ALG12: variants seen among roughly 807,000 people sequenced by gnomAD.
The protein encoded by ALG12 is ALG12 alpha-1,6-mannosyltransferase.
In ALG12, 36 loss-of-function variants were observed where a neutral mutation model predicts 46.0. The ratio of observed to expected loss-of-function variants is 0.78; its 90% CI spans 0.60 to 1.03. The LOEUF (loss-of-function observed/expected upper bound fraction) is 1.03. Ranked by LOEUF, ALG12 falls within the 50% of genes least tolerant of loss-of-function variation. ALG12 has a pLI of 0.00. For synonymous variants in ALG12, 326 were observed against 291.6 expected (o/e 1.12, Z -1.20); for missense variants, 599 against 633.5 (o/e 0.95, Z 0.58).
chr22:49,898,397 C>CTT (rs111434700), downstream of ALG12, among the ~76,000 whole-genome samples: 10 of 145,820 alleles, frequency 6.9e-5, no homozygotes, highest in African/African-American at 2.5e-4. Context: ...TGATTTTTTT[C>CTT]TTTTTTTTTT....
At position 49,910,342 on chromosome 22, in the gene ALG12, C is replaced by A. The variant is rs7510834; in HGVS notation, c.469+92G>T. The A allele has an allele frequency of 2.9e-5, 44 of 1,498,698 alleles. 1 individual carries two copies. The highest frequency in any genetic ancestry group is 3.8e-5 in the Non-Finnish European group (42 of 1,101,440). The allele number at this position is 1,498,698 out of a possible 1,614,324, so 92.8% of individuals were successfully genotyped here. ...GGAACCCAGTGGGGAATGGCCATTA[C>A]GGGGGAGGCACTGCCATCAGCTGCA... On this transcript the variant is annotated intron_variant, in intron 4 of 9. Coordinates refer to ENST00000330817, the MANE Select transcript of ALG12 (RefSeq NM_024105.4).
At chr22:49,913,236 A>G (rs1440411877) in intron 3 of ALG12, 149 bp downstream of exon 3, 1 of 1,272,198 alleles carries the variant, frequency 7.9e-7, no homozygotes, top group Non-Finnish European at 1.1e-6. Context: ...TGACCTGAGC[A>G]CCTGCTCTGA....
chr22:49,884,964 T>C, the ALG12 span: 9 of 1,612,550 alleles, frequency 5.6e-6, no homozygotes, highest in Admixed American at 3.4e-5. Flanking sequence ...AGCAGGCTGA[T>C]GGGCTGAGTC....
At chr22:49,872,459 A>T in the ALG12 span, among the ~76,000 whole-genome samples, 2 of 152,210 alleles carry the variant, frequency 1.3e-5, no homozygotes, top group African/African-American at 4.8e-5. Flanking sequence ...CATGAGGGTT[A>T]GAATTAACTT....
At position 49,904,343 on chromosome 22, in the gene ALG12, G is replaced by A. The variant is rs751587723; in HGVS notation, c.1156C>T (p.Gln386Ter). The stretch of plus-strand genomic sequence containing the variant: ...CAGTGCCCCCAGCACCCACCTGTCT[G>A]GGGGGGCACCAGCTGGTGCAGCCTC... Reference protein sequence around the residue: ...MQRLHQLVPPQTDVLLHIDVA... With the variant: ...MQRLHQLVPP Residue 386 changes from glutamine (Q) to a stop codon, truncating the protein, a stop_gained, in exon 8 of 10, where the codon CAG (glutamine) becomes TAG (stop). Coordinates refer to ENST00000330817, the MANE Select transcript of ALG12 (RefSeq NM_024105.4). LOFTEE classifies it high-confidence loss of function. The A allele has an allele frequency of 1.2e-6, 2 of 1,613,994 alleles. No individual in the cohort carries two copies. The highest frequency in any genetic ancestry group is 1.3e-5 in the African/African-American group (1 of 74,902).
At chr22:49,876,807 T>C in the ALG12 span, among the ~76,000 whole-genome samples, 1 of 152,210 alleles carries the variant, frequency 6.6e-6, no homozygotes, top group Non-Finnish European at 1.5e-5. Flanking sequence ...ATTCTGTTTT[T>C]AGTAGTGGTA....
intron 7 of ALG12, 65 bp downstream of exon 7, chr22:49,907,656 C>T (rs1476020181): frequency 1.3e-6 from 2 of 1,528,046 alleles, no homozygotes; most frequent in East Asian, 2.3e-5. Context: ...ATCCCCCCAA[C>T]AGTAAATCAG....
In ALG12 at chr22:49,905,608, C is replaced by A. The variant is rs921616794; in HGVS notation, c.993-1102G>T. On this transcript the variant is annotated intron_variant, in intron 7 of 9. Coordinates refer to ENST00000330817, the MANE Select transcript of ALG12 (RefSeq NM_024105.4). This position sits in a 1 kb window ranked among gnomAD's most constrained non-coding sequence, Gnocchi z 4.9. ...TCGTCCTGCTTTGGCCACATAAAAG[C>A]GTGCCCGCTTCCCTCTCGCCTTCCG... Among the ~76,000 whole-genome samples, 2 of 152,214 alleles carry A rather than the reference C, an allele frequency of 1.3e-5. No homozygotes were observed. The highest frequency in any genetic ancestry group is 4.8e-5 in the African/African-American group (2 of 41,450).
rs752687068 is a variant in ALG12 at position 49,907,829 on chromosome 22, G to A, written c.884C>T (p.Ala295Val). ...DRRTHAPTVL[A>V]LGFMALYSLL... ...GGAGTAGAGTGCCATGAAGCCCAGTGCCAGCACCGTCGGCGCGTGCGTCCT... is the reference window on the plus strand; with the variant it reads ...GGAGTAGAGTGCCATGAAGCCCAGTACCAGCACCGTCGGCGCGTGCGTCCT... Residue 295 changes from alanine (A) to valine (V), a missense_variant, in exon 7 of 10, where the codon GCA becomes GTA. Ala to Val is a moderately conservative substitution (Grantham distance 64). Transcript: ENST00000330817. 3.7e-6 allele frequency: 6 copies of A among 1,613,962 alleles called. No individual in the cohort carries two copies. Among genetic ancestry groups the A allele is most frequent in the South Asian group, 1.1e-5 (1 of 91,082 alleles).
chr22:49,899,341 G>T (rs916527600), downstream of ALG12, among the ~76,000 whole-genome samples: 3 of 152,010 alleles, frequency 2.0e-5, no homozygotes, highest in African/African-American at 7.3e-5. Context: ...AGCCGGGCAT[G>T]GTGGTGTGCA....
At chr22:49,911,232 C>A (rs1010820307) in intron 3 of ALG12, among the ~76,000 whole-genome samples, 2 of 152,318 alleles carry the variant, frequency 1.3e-5, no homozygotes, top group Non-Finnish European at 1.5e-5. Context: ...CTCTTGCTAC[C>A]TTTCCAGAAG....
rs774608798 is a variant in ALG12, at chr22:49,900,827, A to G, written c.*3011T>C. On this transcript the variant is annotated 3_prime_UTR_variant, in exon 10 of 10. Transcript: ENST00000330817. ...ATTACATATGTACGTGTGCAACTGC[A>G]CGCAGCATGCCTGTCCTCCCTAGCC... 3 of 152,260 alleles carry G rather than the reference A, an allele frequency of 2.0e-5. No homozygotes were observed. Among genetic ancestry groups the G allele is most frequent in the Non-Finnish European group, 2.9e-5 (2 of 68,082 alleles). The allele number at this position is 152,260 out of a possible 1,614,324, so 9.4% of individuals were successfully genotyped here.
the ALG12 span, among the ~76,000 whole-genome samples, chr22:49,864,853 C>G: frequency 7.8e-6 from 1 of 128,912 alleles, no homozygotes; most frequent in Non-Finnish European, 1.6e-5. Flanking sequence ...CTGATTAAAC[C>G]GTCGTAGAGC....
At chr22:49,872,091 C>G in the ALG12 span, among the ~76,000 whole-genome samples, 1 of 152,196 alleles carries the variant, frequency 6.6e-6, no homozygotes, top group African/African-American at 2.4e-5. Flanking sequence ...TCGATTAACT[C>G]TTCTATGAAA....
At chr22:49,890,665 T>C in the ALG12 span, among the ~76,000 whole-genome samples, 27 of 152,140 alleles carry the variant, frequency 1.8e-4, no homozygotes, top group South Asian at 8.3e-4. Flanking sequence ...TGATGAGGCT[T>C]TCCTGGGTGT....
the ALG12 span, among the ~76,000 whole-genome samples, chr22:49,894,996 C>CAGG: frequency 1.3e-5 from 2 of 152,080 alleles, no homozygotes; most frequent in African/African-American, 4.8e-5. Flanking sequence ...GAGTGAAGCC[C>CAGG]AGGAGGAGGA....
At chr22:49,885,931 G>A in the ALG12 span, 5 of 820,122 alleles carry the variant, frequency 6.1e-6, no homozygotes, top group Non-Finnish European at 1.0e-5. Flanking sequence ...CGAGTCGCCA[G>A]CCCGGCCGCG....
the ALG12 span, among the ~76,000 whole-genome samples, chr22:49,869,447 G>A: frequency 1.3e-5 from 2 of 152,216 alleles, no homozygotes; most frequent in African/African-American, 4.8e-5. Context: ...GGACTTTAGT[G>A]TGGGTCACTT....
chr22:49,884,003 C>T, the ALG12 span: 5 of 1,612,034 alleles, frequency 3.1e-6, no homozygotes, highest in Non-Finnish European at 4.2e-6. Flanking sequence ...AACATGAGCT[C>T]CAGGAAGAAG....
Sources: gnomAD v4.1 joint callset for allele counts (sites outside exome capture counted in the v4.1 genomes callset) on GRCh38, gnomAD v4.1.1 for gene constraint, Gnocchi (gnomAD v3.1) non-coding constraint, MANE v1.5 for transcripts, NCBI Gene and HGNC (gene_info 2026-07-23, HGNC 2026-07-21) for gene names.